SMARCC1: variants seen among roughly 807,000 people sequenced by gnomAD.
SMARCC1 encodes the protein SWI/SNF related BAF chromatin remodeling complex subunit C1.
A neutral mutation model predicts 147.4 loss-of-function variants in SMARCC1; 43 were observed. The ratio of observed to expected loss-of-function variants is 0.29; its 90% confidence interval spans 0.23 to 0.38. The LOEUF is 0.38. SMARCC1 is among the 10% of genes least tolerant of loss of function. SMARCC1 has a pLI of 1.00. For missense variants in SMARCC1, 1,119 were observed against 1,381.1 expected, an observed-to-expected ratio of 0.81 and a Z score of 3.01; for synonymous variants, 495 against 484.4, an observed-to-expected ratio of 1.02 and a Z score of -0.29.
chr3:47,638,627 T>C (rs936659398), intron 22 of SMARCC1, 98 bp downstream of exon 22: 9 of 793,194 alleles, frequency 1.1e-5, no homozygotes, highest in East Asian at 7.3e-5. Flanking sequence ...GATAGAATTA[T>C]TTAGAGTCCC....
intron 10 of SMARCC1, among the ~76,000 whole-genome samples, chr3:47,702,188 C>A: frequency 7.9e-6 from 1 of 126,010 alleles, no homozygotes; most frequent in South Asian, 2.8e-4. Context: ...AAAATTCAAT[C>A]AAATCATTAT....
intron 5 of SMARCC1, among the ~76,000 whole-genome samples, chr3:47,730,259 G>C (rs559811045): frequency 6.6e-6 from 1 of 152,296 alleles, no homozygotes; most frequent in African/African-American, 2.4e-5. Flanking sequence ...AGGCTGAAGT[G>C]AAAGGATCAC....
chr3:47,768,013 T>C lies in SMARCC1; in HGVS notation c.315+4804A>G, dbSNP rs562516389. ...CACCACCACACCCAGATAATTTTTC[T>C]TGTATTTCTTTGTAGAGACGGGGCC... On this transcript the variant is annotated intron_variant, in intron 2 of 27. Coordinates refer to ENST00000254480, the MANE Select transcript of SMARCC1 (RefSeq NM_003074.4). Among the ~76,000 whole-genome samples the C allele has an allele frequency of 7.9e-5, 12 of 152,154 alleles. No homozygotes were observed. In the South Asian group the frequency reaches 2.5e-3, roughly 32 times the overall value.
At chr3:47,636,287 A>G in intron 22 of SMARCC1, 151 bp from the exon 23 acceptor site, 1 of 594,938 alleles carries the variant, frequency 1.7e-6, no homozygotes, top group South Asian at 2.1e-5. Context: ...CAGCTCGAAA[A>G]GAACTAATAC....
In SMARCC1 at chr3:47,768,744, A is replaced by G. The variant is rs1020830607; in HGVS notation, c.315+4073T>C. Among the ~76,000 whole-genome samples the G allele has an allele frequency of 5.3e-5, 8 of 152,312 alleles. No homozygotes were observed. In the South Asian group the frequency reaches 1.7e-3, roughly 32 times the overall value. On this transcript the variant is annotated intron_variant, in intron 2 of 27. Transcript: ENST00000254480. ...CTGTAAAGGAACATGGAACTTTCAAATTTTTCACACATAAAATACATAACA... is the reference window on the plus strand; with the variant it reads ...CTGTAAAGGAACATGGAACTTTCAAGTTTTTCACACATAAAATACATAACA...
At chr3:47,733,345 A>G (rs1424148442) in intron 5 of SMARCC1, among the ~76,000 whole-genome samples, 1 of 152,060 alleles carries the variant, frequency 6.6e-6, no homozygotes, top group Admixed American at 6.6e-5. Context: ...TGGGAGGCCG[A>G]GGTAGCAGGG....
rs569869086 is a variant in SMARCC1 at position 47,637,583 on chromosome 3, G to A, written c.2376+1142C>T. On this transcript the variant is annotated intron_variant, in intron 22 of 27. Coordinates refer to ENST00000254480, the MANE Select transcript of SMARCC1 (RefSeq NM_003074.4). ...AAAAATTAGCTGGATGTGGTGGCGC[G>A]TGGCTGTAATCCCAGCTACTTGGGA... Among the ~76,000 whole-genome samples the A allele has an allele frequency of 5.9e-5, 9 of 152,196 alleles. No individual in the cohort carries two copies. In the East Asian group the frequency reaches 1.2e-3, roughly 20 times the overall value.
At chr3:47,727,754 T>C (rs1353576601) in intron 6 of SMARCC1, among the ~76,000 whole-genome samples, 1 of 151,810 alleles carries the variant, frequency 6.6e-6, no homozygotes, top group Non-Finnish European at 1.5e-5. Flanking sequence ...TAGCTAGGAT[T>C]ACAGACACCT....
At chr3:47,662,197 A>C in intron 20 of SMARCC1, 137 bp downstream of exon 20, 1 of 800,456 alleles carries the variant, frequency 1.2e-6, no homozygotes, top group Non-Finnish European at 2.0e-6. Flanking sequence ...TACTTTTATA[A>C]AGAATATGGT....
chr3:47,662,715 AT>A, intron 19 of SMARCC1, 123 bp from the exon 20 acceptor site: 1 of 768,200 alleles, frequency 1.3e-6, no homozygotes, highest in Non-Finnish European at 2.1e-6. Context: ...AAATAGAAAG[AT>A]TTGATGGTTT....
At chr3:47,639,484 C>T (rs773751007) in intron 21 of SMARCC1, among the ~76,000 whole-genome samples, 3 of 152,184 alleles carry the variant, frequency 2.0e-5, no homozygotes, top group Admixed American at 1.3e-4. Context: ...GAGGCCGAGG[C>T]GGCTGCATCA....
intron 21 of SMARCC1, among the ~76,000 whole-genome samples, chr3:47,657,377 T>C (rs566417330): frequency 1.3e-5 from 2 of 152,236 alleles, no homozygotes; most frequent in Non-Finnish European, 2.9e-5. Flanking sequence ...CCTTCTCTGA[T>C]TACAACGAAA....
At chr3:47,742,871 C>A (rs1393222936) in intron 3 of SMARCC1, among the ~76,000 whole-genome samples, 1 of 152,170 alleles carries the variant, frequency 6.6e-6, no homozygotes, top group Non-Finnish European at 1.5e-5. Flanking sequence ...GCATGAGCCA[C>A]CACAGCTGGC....
At chr3:47,593,212 G>C (rs1256962865) in intron 26 of SMARCC1, among the ~76,000 whole-genome samples, 1 of 146,804 alleles carries the variant, frequency 6.8e-6, no homozygotes, top group South Asian at 2.1e-4. Context: ...TTTCTTTTTT[G>C]AGACAGAATC....
At chr3:47,705,249 T>C (rs559768526) in intron 10 of SMARCC1, among the ~76,000 whole-genome samples, 14 of 137,106 alleles carry the variant, frequency 1.0e-4, no homozygotes, top group Non-Finnish European at 1.8e-4. Context: ...CGCTTGAACA[T>C]GGGAGGCAGA....
intron 2 of SMARCC1, among the ~76,000 whole-genome samples, chr3:47,755,833 T>C (rs139642084): frequency 0.01 from 1,575 of 150,842 alleles, 13 homozygotes; most frequent in East Asian, 0.019. Context: ...CTACTAAAAA[T>C]ACAAAAAGTA....
chr3:47,713,239 AC>A (rs1336522153), intron 8 of SMARCC1, among the ~76,000 whole-genome samples: 1 of 151,566 alleles, frequency 6.6e-6, no homozygotes, highest in Non-Finnish European at 1.5e-5. Context: ...AATGGTGTGA[AC>A]CCGGGAGGTG....
intron 2 of SMARCC1, among the ~76,000 whole-genome samples, chr3:47,768,561 A>G: frequency 6.6e-6 from 1 of 152,216 alleles, no homozygotes; most frequent in African/African-American, 2.4e-5. Context: ...TATATAATGT[A>G]ATCTGTAATT....
At chr3:47,665,080 G>A (rs1385082288) in intron 19 of SMARCC1, among the ~76,000 whole-genome samples, 1 of 151,818 alleles carries the variant, frequency 6.6e-6, no homozygotes, top group Non-Finnish European at 1.5e-5. Context: ...GAATCCTCCC[G>A]CCTCAGCCTC....
Sources: allele counts gnomAD v4.1 joint callset (sites outside exome capture counted in the v4.1 genomes callset), GRCh38; gene constraint gnomAD v4.1.1; transcripts MANE v1.5; gene names NCBI Gene and HGNC (gene_info 2026-07-23, HGNC 2026-07-21).